The following CA10 variants were observed in gnomAD, a reference collection of about 807,000 sequenced individuals.
The protein encoded by CA10 is carbonic anhydrase 10 (inactive).
Under a neutral mutation model 44.2 loss-of-function variants are expected in CA10, and 14 were observed. That is an observed-to-expected ratio of 0.32 (90% confidence interval 0.21 to 0.50). The LOEUF is 0.50. CA10 is among the 20% of genes least tolerant of loss of function. The pLI, the probability that CA10 is intolerant of heterozygous loss-of-function variation, is 0.99. For missense variants in CA10, 350 were observed against 409.7 expected, an observed-to-expected ratio of 0.85 and a Z score of 1.26; for synonymous variants, 159 against 141.6, an observed-to-expected ratio of 1.12 and a Z score of -0.87.
intron 1 of CA10, among the ~76,000 whole-genome samples, chr17:52,152,673 T>C (rs1368089311): frequency 6.6e-6 from 1 of 152,176 alleles, no homozygotes; most frequent in Non-Finnish European, 1.5e-5. Context: ...TATTACTTTA[T>C]ATCATTCTAA....
intron 1 of CA10, among the ~76,000 whole-genome samples, chr17:52,147,491 T>TAAAAAAAAAAAA (rs369637225): frequency 1.5e-5 from 2 of 131,856 alleles, no homozygotes; most frequent in African/African-American, 2.8e-5. Flanking sequence ...AAAGCAGATT[T>TAAAAAAAAAAAA]AAAAAAAAAA....
At chr17:51,934,871 C>T (rs1369089772) in intron 2 of CA10, among the ~76,000 whole-genome samples, 1 of 152,076 alleles carries the variant, frequency 6.6e-6, no homozygotes, top group African/African-American at 2.4e-5. Context: ...GCCGAATGGA[C>T]CAGACTAGGT....
intron 4 of CA10, among the ~76,000 whole-genome samples, chr17:51,692,399 CT>C (rs1915237588): frequency 7.7e-6 from 1 of 129,648 alleles, no homozygotes; most frequent in African/African-American, 2.5e-5. Flanking sequence ...ATCTATCTAT[CT>C]ATCTATCTAT....
intron 4 of CA10, among the ~76,000 whole-genome samples, chr17:51,660,553 T>G (rs1318112886): frequency 2.0e-5 from 3 of 152,176 alleles, no homozygotes; most frequent in Non-Finnish European, 4.4e-5. Context: ...GATGCACTAG[T>G]GCATGCCGGG....
intron 4 of CA10, among the ~76,000 whole-genome samples, chr17:51,729,883 A>T (rs1354831290): frequency 6.6e-6 from 1 of 152,234 alleles, no homozygotes. Context: ...TTGAATAGGA[A>T]TCTCTCCTAA....
chr17:52,061,367 T>C (rs1239683877), intron 2 of CA10, among the ~76,000 whole-genome samples: 1 of 152,180 alleles, frequency 6.6e-6, no homozygotes, highest in Non-Finnish European at 1.5e-5. Flanking sequence ...GGGATTGATT[T>C]CTCCTCAGAG....
intron 3 of CA10, among the ~76,000 whole-genome samples, chr17:51,839,931 T>C (rs1395415086): frequency 1.3e-5 from 2 of 152,228 alleles, no homozygotes; most frequent in Non-Finnish European, 2.9e-5. Flanking sequence ...CTTCCTTCTA[T>C]TGTATCATTT....
Position 51,635,871 on chromosome 17 carries a change from T to C in CA10, c.773A>G (p.Tyr258Cys). 6.3e-7 allele frequency: 1 copy of C among 1,595,926 alleles called. No homozygotes were observed. Among genetic ancestry groups the C allele is most frequent in the Non-Finnish European group, 8.5e-7 (1 of 1,169,740 alleles). The change falls in exon 7 of 9, where the codon TAT becomes TGT. Residue 258 changes from tyrosine (Y) to cysteine (C), a missense_variant. Transcript: ENST00000451037. ...GAAACTCACCTGCATCCTGGTTATATAGACAGGTTTGTTCATTATGATCCA... is the reference window on the plus strand; with the variant it reads ...GAAACTCACCTGCATCCTGGTTATACAGACAGGTTTGTTCATTATGATCCA... The part of the protein sequence containing the change: ...ASWIIMNKPV[Y>C]ITRMQMHSLR...
chr17:51,641,163 TCTCCTCTC>T (rs1913069703), intron 6 of CA10, among the ~76,000 whole-genome samples: 13 of 24,134 alleles, frequency 5.4e-4, no homozygotes, highest in East Asian at 1.9e-3. Context: ...TCTCTCTCTC[TCTCCTCTC>T]TCTCTCTCTC....
chr17:52,028,125 C>G (rs1986356064), intron 2 of CA10, among the ~76,000 whole-genome samples: 1 of 152,050 alleles, frequency 6.6e-6, no homozygotes, highest in Non-Finnish European at 1.5e-5. Context: ...AGGTGAGAAC[C>G]AAATGAGCTC....
chr17:52,042,457 G>T (rs1444797375), intron 2 of CA10, among the ~76,000 whole-genome samples: 2 of 151,498 alleles, frequency 1.3e-5, no homozygotes, highest in Non-Finnish European at 2.9e-5. Context: ...TGTTTGGGTT[G>T]GTTGCTATTG....
At chr17:52,057,815 A>T (rs971082026) in intron 2 of CA10, among the ~76,000 whole-genome samples, 1 of 152,094 alleles carries the variant, frequency 6.6e-6, no homozygotes, top group African/African-American at 2.4e-5. Flanking sequence ...AATTCTCTCC[A>T]GACAATGCAC....
chr17:51,979,256 T>G (rs955106235), intron 2 of CA10, among the ~76,000 whole-genome samples: 2 of 152,116 alleles, frequency 1.3e-5, no homozygotes, highest in African/African-American at 4.8e-5. Flanking sequence ...AAAAAAGTAT[T>G]TGCAAAACAT....
intron 2 of CA10, among the ~76,000 whole-genome samples, chr17:52,032,897 A>C (rs1218764122): frequency 6.6e-6 from 1 of 152,194 alleles, no homozygotes; most frequent in Admixed American, 6.5e-5. Flanking sequence ...GGAGCATCAA[A>C]AATTCTGCAA....
intron 3 of CA10, among the ~76,000 whole-genome samples, chr17:51,830,212 A>AG (rs1452697175): frequency 1.4e-5 from 2 of 146,960 alleles, no homozygotes; most frequent in African/African-American, 5.0e-5. Context: ...AAAAAAAAAA[A>AG]AAAAGAAAAA....
At chr17:51,700,102 G>A (rs1214616776) in intron 4 of CA10, among the ~76,000 whole-genome samples, 1 of 152,176 alleles carries the variant, frequency 6.6e-6, no homozygotes, top group African/African-American at 2.4e-5. Context: ...GCACGATGCT[G>A]CAGAGAGAAC....
At chr17:52,083,252 T>C (rs2143180545) in intron 1 of CA10, among the ~76,000 whole-genome samples, 1 of 151,040 alleles carries the variant, frequency 6.6e-6, no homozygotes, top group East Asian at 1.9e-4. Flanking sequence ...CTCTTAAGCT[T>C]GAATTCAGCA....
At chr17:51,714,850 C>T (rs1216581242) in intron 4 of CA10, among the ~76,000 whole-genome samples, 2 of 152,142 alleles carry the variant, frequency 1.3e-5, no homozygotes, top group African/African-American at 4.8e-5. Context: ...TCTTCCTTCA[C>T]ATTCGTGATT....
chr17:52,055,522 A>G lies in CA10; in HGVS notation c.136+16797T>C, dbSNP rs149250874. 1.0e-3 allele frequency among the ~76,000 whole-genome samples: 152 copies of G among 152,240 alleles called. 1 individual carries two copies. Among genetic ancestry groups the G allele is most frequent in the Middle Eastern group, 3.4e-3 (1 of 294 alleles). On this transcript the variant is annotated intron_variant, in intron 2 of 8. Coordinates refer to ENST00000451037, the MANE Select transcript of CA10 (RefSeq NM_020178.5). ...AGCCATCAGTTGATATTAGAACAGC[A>G]TGTTGGAGGCTCCAAGAATGTATTC... is the stretch of plus-strand genomic sequence containing the variant.
Sources: allele counts gnomAD v4.1 joint callset (sites outside exome capture counted in the v4.1 genomes callset), GRCh38; gene constraint gnomAD v4.1.1; transcripts MANE v1.5; gene names NCBI Gene and HGNC (gene_info 2026-07-23, HGNC 2026-07-21).